The following SESN1 variants were observed in gnomAD, a reference collection of about 807,000 sequenced individuals.
SESN1 encodes the protein sestrin 1, also known as sestrin-1.
A neutral mutation model predicts 59.3 loss-of-function variants in SESN1; 30 were observed. The observed-to-expected ratio is 0.51, with a 90% CI of 0.38 to 0.69. SESN1 has a LOEUF of 0.69. Ranked by LOEUF, SESN1 falls within the 30% of genes least tolerant of loss-of-function variation. SESN1 has a pLI of 0.00. For synonymous variants in SESN1, 197 were observed against 219.9 expected (o/e 0.90, Z 0.92); for missense variants, 566 against 673.0 (o/e 0.84, Z 1.76).
chr6:109,018,045 A>AAAC (rs1467465891), intron 1 of SESN1, among the ~76,000 whole-genome samples: 5 of 152,136 alleles, frequency 3.3e-5, no homozygotes, highest in Non-Finnish European at 7.4e-5. Context: ...CAAAAATATA[A>AAAC]TTCCTGATTT....
At chr6:109,050,416 T>C (rs945117554) in intron 1 of SESN1, among the ~76,000 whole-genome samples, 7 of 150,170 alleles carry the variant, frequency 4.7e-5, no homozygotes, top group Admixed American at 4.0e-4. Context: ...GTCATTTTAA[T>C]GTACAGTGAA....
chr6:109,073,996 T>C (rs1780982815), intron 1 of SESN1, among the ~76,000 whole-genome samples: 1 of 152,204 alleles, frequency 6.6e-6, no homozygotes, highest in Non-Finnish European at 1.5e-5. Flanking sequence ...AACATTTTGG[T>C]CAACAATGGA....
intron 1 of SESN1, among the ~76,000 whole-genome samples, chr6:109,058,739 G>A (rs911596930): frequency 1.3e-5 from 2 of 151,764 alleles, no homozygotes; most frequent in African/African-American, 2.4e-5. Context: ...AGAAGAGGAA[G>A]AAAAATGACA....
At chr6:109,071,359 T>TTTTTTTTC (rs1307138849) in intron 1 of SESN1, among the ~76,000 whole-genome samples, 1 of 151,760 alleles carries the variant, frequency 6.6e-6, no homozygotes, top group African/African-American at 2.4e-5. Context: ...GTTTCTTTTT[T>TTTTTTTTC]TTTTTTTTTA....
At chr6:109,060,448 T>C (rs1468177389) in intron 1 of SESN1, among the ~76,000 whole-genome samples, 1 of 152,218 alleles carries the variant, frequency 6.6e-6, no homozygotes, top group African/African-American at 2.4e-5. Flanking sequence ...TTTTTTCCTT[T>C]GGGAGAATAT....
At chr6:109,073,170 T>C (rs1208215225) in intron 1 of SESN1, among the ~76,000 whole-genome samples, 1 of 152,100 alleles carries the variant, frequency 6.6e-6, no homozygotes, top group Admixed American at 6.6e-5. Context: ...CAGCCTCCTA[T>C]TAAATGGGTG....
chr6:109,067,657 C>A (rs1363707250), intron 1 of SESN1, among the ~76,000 whole-genome samples: 3 of 152,176 alleles, frequency 2.0e-5, no homozygotes, highest in African/African-American at 7.2e-5. Flanking sequence ...CAACTGCACT[C>A]ACCTTGACTA....
intron 1 of SESN1, among the ~76,000 whole-genome samples, chr6:109,040,066 T>C (rs1291132656): frequency 6.6e-6 from 1 of 152,172 alleles, no homozygotes; most frequent in Non-Finnish European, 1.5e-5. Context: ...TGGAAAGAGA[T>C]GGCCTACTGA....
At chr6:109,015,688 G>A (rs1340031012) in intron 1 of SESN1, among the ~76,000 whole-genome samples, 1 of 152,132 alleles carries the variant, frequency 6.6e-6, no homozygotes, top group Non-Finnish European at 1.5e-5. Flanking sequence ...AGGGGGAAAT[G>A]GACGGTTAGG....
chr6:109,083,422 A>G (rs1025133107), intron 1 of SESN1, among the ~76,000 whole-genome samples: 1 of 152,224 alleles, frequency 6.6e-6, no homozygotes, highest in Non-Finnish European at 1.5e-5. Context: ...CAAAAAATAG[A>G]TAAGCATAGG....
At position 109,094,464 on chromosome 6, in the gene SESN1, C is replaced by A. The variant is rs752655639; in HGVS notation, c.-391G>T. ...AAGGCTGTTAACAGCTGAACGCCCT[C>A]CAGCCATTCGGGGCTTTTTTGTCTG... is the stretch of plus-strand genomic sequence containing the variant. On this transcript the variant is annotated 5_prime_UTR_variant, in exon 1 of 10. Transcript: ENST00000436639. The A allele has an allele frequency of 7.0e-4, 126 of 180,150 alleles. 1 individual carries two copies. The highest frequency in any genetic ancestry group is 4.0e-3 in the Admixed American group (69 of 17,050). The allele number at this position is 180,150 out of a possible 1,614,324, so 11.2% of individuals were successfully genotyped here. A position where few individuals can be genotyped will look rare whatever the true frequency, so the allele number is the denominator to read the frequency against.
chr6:109,028,754 T>C lies in SESN1; in HGVS notation c.280-26411A>G, dbSNP rs183403101. 3.0e-3 allele frequency among the ~76,000 whole-genome samples: 452 copies of C among 152,234 alleles called. 4 individuals carry two copies. The highest frequency in any genetic ancestry group is 3.9e-3 in the Non-Finnish European group (262 of 68,014). On this transcript the variant is annotated intron_variant, in intron 1 of 9. Transcript: ENST00000436639. ...AAAATAATTGCCCCGATCTCAGAAC[T>C]GGCACAGAACAAAGACTGGGTCACG...
chr6:109,052,787 C>T (rs543159921), intron 1 of SESN1, among the ~76,000 whole-genome samples: 15 of 151,948 alleles, frequency 9.9e-5, no homozygotes, highest in South Asian at 6.3e-4. Flanking sequence ...AGTTTTGAGA[C>T]GAGACAGAAT....
intron 1 of SESN1, among the ~76,000 whole-genome samples, chr6:109,029,995 G>A (rs1392525765): frequency 1.3e-5 from 2 of 152,212 alleles, no homozygotes; most frequent in East Asian, 1.9e-4. Context: ...GAGATATTAC[G>A]GTACCCAACC....
chr6:108,989,834 A>G (rs1363647629), intron 8 of SESN1, among the ~76,000 whole-genome samples: 1 of 152,142 alleles, frequency 6.6e-6, no homozygotes, highest in Non-Finnish European at 1.5e-5. Flanking sequence ...TTCCAATCAC[A>G]TAGGCACTGA....
At chr6:109,043,372 A>G (rs543564950) in intron 1 of SESN1, among the ~76,000 whole-genome samples, 55 of 152,264 alleles carry the variant, frequency 3.6e-4, no homozygotes, top group African/African-American at 1.3e-3. Flanking sequence ...AATAAAAGCC[A>G]TACAGATAAA....
At chr6:109,026,106 A>G (rs555896140) in intron 1 of SESN1, among the ~76,000 whole-genome samples, 2 of 152,346 alleles carry the variant, frequency 1.3e-5, no homozygotes, top group East Asian at 1.9e-4. Context: ...AACTAAGCTG[A>G]CAGCCTAATT....
At position 108,985,085 on chromosome 6, in the gene SESN1, T is replaced by C. The variant is rs1393455389; in HGVS notation, c.*2459A>G. The stretch of plus-strand genomic sequence containing the variant: ...TATATGATATTCACATATACAAATA[T>C]GCTAGTAACATTTCTGATTCATGTA... On this transcript the variant is annotated 3_prime_UTR_variant, in exon 10 of 10. Transcript: ENST00000436639. 6.6e-6 allele frequency among the ~76,000 whole-genome samples: 1 copy of C among 152,162 alleles called. No homozygotes were observed. The highest frequency in any genetic ancestry group is 1.5e-5 in the Non-Finnish European group (1 of 68,042).
chr6:109,021,604 AT>A (rs945371246), intron 1 of SESN1, among the ~76,000 whole-genome samples: 3 of 150,936 alleles, frequency 2.0e-5, no homozygotes, highest in African/African-American at 4.9e-5. Flanking sequence ...AGCCTGGCTA[AT>A]TTTTTTTTGT....
Sources: allele counts gnomAD v4.1 joint callset (sites outside exome capture counted in the v4.1 genomes callset), GRCh38; gene constraint gnomAD v4.1.1; transcripts MANE v1.5; gene names NCBI Gene and HGNC (gene_info 2026-07-23, HGNC 2026-07-21).